DST: variants seen among roughly 807,000 people sequenced by gnomAD.
DST encodes bullous pemphigoid antigen.
Under a neutral mutation model 875.2 loss-of-function variants are expected in DST, and 253 were observed. That is an observed-to-expected ratio of 0.29 (90% CI 0.26 to 0.32). The LOEUF (loss-of-function observed/expected upper bound fraction) is 0.32, where lower values mean the gene tolerates loss of function less well. Ranked by LOEUF, DST falls within the 10% of genes least tolerant of loss-of-function variation. The pLI is 1.00. For missense variants in DST, 8,287 were observed against 9,111.6 expected (o/e 0.91, Z 3.68); for synonymous variants, 3,124 against 3,197.1 (o/e 0.98, Z 0.77).
Position 56,482,768 on chromosome 6 carries a change from TG to T in DST, c.21316del (p.Gln7106ArgfsTer5). The T allele has an allele frequency of 6.2e-7, 1 of 1,613,918 alleles. No individual in the cohort carries two copies. Among genetic ancestry groups the T allele is most frequent in the Non-Finnish European group, 8.5e-7 (1 of 1,179,826 alleles). ...SRDDSSWVKVQMQELSTRWET... is the reference protein window; with the variant it reads ...SRDDSSWVKVXMQELSTRWET... ...CCAGCGTGTGCTTAATTCCTGCATC[TG>T]GACCTTGACCCAGGAGGAGTCATCC... On this transcript the variant is annotated frameshift_variant, in exon 89 of 104. Coordinates refer to ENST00000680361, the MANE Select transcript of DST (RefSeq NM_001374736.1). LOFTEE classifies it high-confidence loss of function.
chr6:56,788,128 C>CAAAAAAAAAAAA (rs781369739), intron 4 of DST, among the ~76,000 whole-genome samples: 1 of 26,586 alleles, frequency 3.8e-5, no homozygotes, highest in African/African-American at 1.9e-4. Context: ...GACTCCGTCT[C>CAAAAAAAAAAAA]AAAAAAAAAA....
chr6:56,806,479 A>G (rs539782025), intron 4 of DST, among the ~76,000 whole-genome samples: 1 of 152,386 alleles, frequency 6.6e-6, no homozygotes, highest in South Asian at 2.1e-4. Context: ...CAATGGTATT[A>G]ACATAATCCA....
chr6:56,562,281 C>A, intron 55 of DST, 81 bp from the exon 56 acceptor site: 1 of 784,232 alleles, frequency 1.3e-6, no homozygotes, highest in Non-Finnish European at 1.9e-6. Flanking sequence ...AAATCAAACC[C>A]CATCAACAGT....
At chr6:56,810,174 C>T (rs2153034160) in intron 4 of DST, among the ~76,000 whole-genome samples, 1 of 152,194 alleles carries the variant, frequency 6.6e-6, no homozygotes, top group Admixed American at 6.5e-5. Context: ...AAAAAATTAG[C>T]CAGGCATGGT....
intron 9 of DST, among the ~76,000 whole-genome samples, chr6:56,690,748 A>G (rs1367603131): frequency 6.6e-6 from 1 of 152,220 alleles, no homozygotes; most frequent in Non-Finnish European, 1.5e-5. Flanking sequence ...TAATTCTCCA[A>G]TGAAAAATGT....
chr6:56,533,347 A>T (rs533996097), intron 63 of DST, among the ~76,000 whole-genome samples: 1 of 152,358 alleles, frequency 6.6e-6, no homozygotes, highest in East Asian at 1.9e-4. Context: ...GGAAGGCGTA[A>T]GTGTATGAAA....
Position 56,557,418 on chromosome 6 carries a change from T to C in DST, c.14541A>G (p.Gln4847=), listed in dbSNP as rs16887983. The part of the protein sequence containing the change: ...NLTQFQTVEA[Q]LKQWLVEKEL... ...CTTTTTCCACAAGCCACTGTTTCAA[T>C]TGGGCCTCTACAGTCTGGAACTGGG... is the stretch of plus-strand genomic sequence containing the variant. Residue 4847 remains glutamine (Q), a synonymous_variant, in exon 59 of 104, where the codon CAA becomes CAG. Coordinates refer to ENST00000680361, the MANE Select transcript of DST (RefSeq NM_001374736.1). The C allele has an allele frequency of 6.7e-3, 10,884 of 1,613,740 alleles. 481 individuals are homozygous for C. In the East Asian group the frequency reaches 0.13, roughly 19 times the overall value.
Position 56,605,237 on chromosome 6 carries a change from G to T in DST, c.9391C>A (p.Pro3131Thr), listed in dbSNP as rs760688407. The T allele has an allele frequency of 6.2e-7, 1 of 1,610,956 alleles. No homozygotes were observed. Among genetic ancestry groups the T allele is most frequent in the Non-Finnish European group, 8.5e-7 (1 of 1,178,304 alleles). Reference sequence around the variant, plus strand: ...TCTTCAAGATTCTCAAACTGAACAGGACTTTTACTAACTATTATTTGTAGA... The same window carrying T: ...TCTTCAAGATTCTCAAACTGAACAGTACTTTTACTAACTATTATTTGTAGA... ...NNLQIIVSKSPVQFENLEEIF... is the reference protein window; with the variant it reads ...NNLQIIVSKSTVQFENLEEIF... The change falls in exon 40 of 104, where the codon CCT becomes ACT. Residue 3131 changes from proline (P) to threonine (T), a missense_variant. Physicochemically the swap from Pro to Thr is conservative, Grantham distance 38 (BLOSUM62 -1). Coordinates refer to ENST00000680361, the MANE Select transcript of DST (RefSeq NM_001374736.1).
At chr6:56,682,439 C>A (rs1032676094) in intron 9 of DST, among the ~76,000 whole-genome samples, 4 of 151,960 alleles carry the variant, frequency 2.6e-5, no homozygotes, top group Admixed American at 2.0e-4. Flanking sequence ...AACCAAAAAA[C>A]CCTCACACTC....
intron 5 of DST, among the ~76,000 whole-genome samples, chr6:56,704,629 T>C (rs1423100816): frequency 6.6e-6 from 1 of 152,220 alleles, no homozygotes; most frequent in Non-Finnish European, 1.5e-5. Flanking sequence ...AAGCCTGGAC[T>C]ACTACATGGG....
Position 56,593,726 on chromosome 6 carries a change from G to A in DST, c.12663C>T (p.Thr4221=). Residue 4221 remains threonine (T), a synonymous_variant, in exon 48 of 104, where the codon ACC becomes ACT. Transcript: ENST00000680361. ...CCAACTTGCGCTGCACTTCTCTGTG[G>A]GTTGCAGAAGTATCAACCTTGCCAC... is the stretch of plus-strand genomic sequence containing the variant. The part of the protein sequence containing the change: ...RDGGKVDTSA[T]HREVQRKLDH... 2.5e-6 allele frequency: 4 copies of A among 1,613,624 alleles called. No homozygotes were observed. The highest frequency in any genetic ancestry group is 2.5e-6 in the Non-Finnish European group (3 of 1,179,702).
intron 5 of DST, among the ~76,000 whole-genome samples, chr6:56,726,978 T>TC (rs1428161948): frequency 6.6e-6 from 1 of 152,108 alleles, no homozygotes; most frequent in Non-Finnish European, 1.5e-5. Flanking sequence ...AGTGCTTTAA[T>TC]CCTCCTACTA....
rs1040448745 is a variant in DST, at chr6:56,779,971, G to C, written c.626-44682C>G. Among the ~76,000 whole-genome samples, 6 of 146,944 alleles carry C rather than the reference G, an allele frequency of 4.1e-5. No homozygotes were observed. The East Asian group carries it at 1.2e-3, about 30-fold the overall frequency. ...ATTCCCATCTATGAGTGAGAACATG[G>C]GGTGTTTGGTTTTTTGTCCTTGAGA... is the stretch of plus-strand genomic sequence containing the variant. On this transcript the variant is annotated intron_variant, in intron 4 of 103. Coordinates refer to ENST00000680361, the MANE Select transcript of DST (RefSeq NM_001374736.1).
intron 4 of DST, among the ~76,000 whole-genome samples, chr6:56,791,407 T>C (rs2099723150): frequency 6.6e-6 from 1 of 152,100 alleles, no homozygotes; most frequent in Non-Finnish European, 1.5e-5. Flanking sequence ...GAACCAGGGA[T>C]ATAAAAGTGG....
chr6:56,606,470 A>T lies in DST; in HGVS notation c.8158T>A (p.Ser2720Thr). The T allele has an allele frequency of 1.2e-6, 2 of 1,613,408 alleles. No individual in the cohort carries two copies. Among genetic ancestry groups the T allele is most frequent in the Non-Finnish European group, 1.7e-6 (2 of 1,179,578 alleles). The change falls in exon 40 of 104, where the codon TCA becomes ACA. Residue 2720 changes from serine to threonine, a missense_variant. Transcript: ENST00000680361. ...TCCCTTTCTGATCCAGTTTCCAGTG[A>T]CTGTCCATTCACCTTATCTGAGCCA... ...PVGSDKVNGQ[S>T]LETGSERECT...
intron 9 of DST, chr6:56,692,274 G>T (rs1404731218): frequency 1.2e-5 from 6 of 501,850 alleles, no homozygotes; most frequent in Non-Finnish European, 1.9e-5. Flanking sequence ...AAACTCTATG[G>T]CTTTTACATA....
chr6:56,941,234 T>C (rs773431917), intron 2 of DST, among the ~76,000 whole-genome samples: 2 of 152,214 alleles, frequency 1.3e-5, no homozygotes, highest in African/African-American at 2.4e-5. Context: ...AATTTTGAGA[T>C]ACTGTGTTTT....
At chr6:56,509,334 G>T (rs545629045) in intron 74 of DST, among the ~76,000 whole-genome samples, 102 of 152,274 alleles carry the variant, frequency 6.7e-4, no homozygotes, top group African/African-American at 2.4e-3. Context: ...AAAAACCCCA[G>T]ATATGGCCTT....
intron 3 of DST, among the ~76,000 whole-genome samples, chr6:56,867,558 A>G (rs953645272): frequency 6.6e-6 from 1 of 152,212 alleles, no homozygotes; most frequent in Admixed American, 6.5e-5. Context: ...GCGGAGGCTC[A>G]TGCCTGTAAT....
Sources: allele counts gnomAD v4.1 joint callset (sites outside exome capture counted in the v4.1 genomes callset), GRCh38; gene constraint gnomAD v4.1.1; transcripts MANE v1.5; gene names NCBI Gene and HGNC (gene_info 2026-07-23, HGNC 2026-07-21).